The following SH3GL2 variants were observed in gnomAD, a reference collection of about 807,000 sequenced individuals.
SH3GL2 encodes the protein SH3 domain containing GRB2 like 2, endophilin A1.
SH3GL2 carries 24 observed loss-of-function variants against 46.0 expected under a neutral mutation model. The observed-to-expected ratio is 0.52, with a 90% CI of 0.38 to 0.73. The LOEUF is 0.73. Among genes scored for constraint, SH3GL2 ranks in the 30% least tolerant of loss-of-function variants. The probability of loss-of-function intolerance (pLI) is 0.00; values close to 1 mark genes in which losing one functional copy is unlikely to be tolerated. For missense variants in SH3GL2, 413 were observed against 424.2 expected, an observed-to-expected ratio of 0.97 and a Z score of 0.23; for synonymous variants, 196 against 147.1, an observed-to-expected ratio of 1.33 and a Z score of -2.40.
chr9:17,744,448 C>G (rs945598173), intron 1 of SH3GL2, among the ~76,000 whole-genome samples: 1 of 152,058 alleles, frequency 6.6e-6, no homozygotes, highest in South Asian at 2.1e-4. Flanking sequence ...TCACTGTGGC[C>G]TCAACCTCCT....
intron 1 of SH3GL2, among the ~76,000 whole-genome samples, chr9:17,657,281 T>A (rs1820108595): frequency 6.6e-6 from 1 of 152,180 alleles, no homozygotes; most frequent in African/African-American, 2.4e-5. Context: ...CAATTTTTAA[T>A]ATACTGTAGT....
At chr9:17,609,473 C>G (rs1482313854) in intron 1 of SH3GL2, among the ~76,000 whole-genome samples, 1 of 151,982 alleles carries the variant, frequency 6.6e-6, no homozygotes, top group Non-Finnish European at 1.5e-5. Flanking sequence ...ATGAAGTTGG[C>G]CAGATGGTCT....
At chr9:17,690,445 T>A (rs1220149879) in intron 1 of SH3GL2, among the ~76,000 whole-genome samples, 1 of 152,074 alleles carries the variant, frequency 6.6e-6, no homozygotes, top group African/African-American at 2.4e-5. Context: ...TTCCCCCACA[T>A]CACATGTCCT....
chr9:17,587,687 G>A (rs1237625362), intron 1 of SH3GL2, among the ~76,000 whole-genome samples: 1 of 152,162 alleles, frequency 6.6e-6, no homozygotes, highest in Admixed American at 6.5e-5. Flanking sequence ...AGACCAGCCT[G>A]GACAACATGG....
intron 1 of SH3GL2, among the ~76,000 whole-genome samples, chr9:17,637,603 T>C (rs769357334): frequency 6.6e-6 from 1 of 152,230 alleles, no homozygotes; most frequent in Middle Eastern, 3.2e-3. Flanking sequence ...GACACACAAG[T>C]GTGGTTTGAA....
chr9:17,632,904 T>C (rs1018031274), intron 1 of SH3GL2, among the ~76,000 whole-genome samples: 2 of 152,222 alleles, frequency 1.3e-5, no homozygotes, highest in African/African-American at 4.8e-5. Flanking sequence ...TTGTGGTGTT[T>C]TATTACTTGA....
intron 1 of SH3GL2, among the ~76,000 whole-genome samples, chr9:17,701,853 CTT>C (rs1445179333): frequency 6.6e-6 from 1 of 151,984 alleles, no homozygotes. Context: ...ATTGAAAAGA[CTT>C]AGCATCATAA....
At chr9:17,780,212 A>T (rs183931394) in intron 3 of SH3GL2, among the ~76,000 whole-genome samples, 1 of 152,160 alleles carries the variant, frequency 6.6e-6, no homozygotes, top group Admixed American at 6.6e-5. Context: ...CAACATCCCA[A>T]AACCTCCTTC....
chr9:17,779,375 G>C (rs1019447814), intron 3 of SH3GL2, among the ~76,000 whole-genome samples: 3 of 152,136 alleles, frequency 2.0e-5, no homozygotes, highest in African/African-American at 7.2e-5. Context: ...TGACGGAATG[G>C]GAAAGAGAAT....
At chr9:17,774,466 T>C (rs868422676) in intron 3 of SH3GL2, among the ~76,000 whole-genome samples, 2 of 152,240 alleles carry the variant, frequency 1.3e-5, no homozygotes, top group South Asian at 2.1e-4. Flanking sequence ...TTTCTTCCTA[T>C]TCCTAGCTTA....
chr9:17,656,764 A>G (rs1204174251), intron 1 of SH3GL2, among the ~76,000 whole-genome samples: 1 of 126,320 alleles, frequency 7.9e-6, no homozygotes, highest in African/African-American at 3.0e-5. Context: ...GAGTGAGACT[A>G]CATCTCAAAA....
At chr9:17,677,547 T>C (rs1820643511) in intron 1 of SH3GL2, among the ~76,000 whole-genome samples, 1 of 151,808 alleles carries the variant, frequency 6.6e-6, no homozygotes, top group South Asian at 2.1e-4. Flanking sequence ...TAAACTCATG[T>C]TTTCACTTTT....
chr9:17,729,533 C>G (rs1009520968), intron 1 of SH3GL2, among the ~76,000 whole-genome samples: 5 of 152,148 alleles, frequency 3.3e-5, no homozygotes. Flanking sequence ...GAAGTCTTTG[C>G]CCATGCCTAT....
At chr9:17,656,104 A>G (rs1473668211) in intron 1 of SH3GL2, among the ~76,000 whole-genome samples, 1 of 152,050 alleles carries the variant, frequency 6.6e-6, no homozygotes, top group African/African-American at 2.4e-5. Context: ...TCTATAATTG[A>G]TTTATCGTCT....
chr9:17,788,326 AAAGAAAGTTCCTTCC>A (rs1824021160), intron 5 of SH3GL2, among the ~76,000 whole-genome samples: 1 of 152,180 alleles, frequency 6.6e-6, no homozygotes, highest in Non-Finnish European at 1.5e-5. Flanking sequence ...AATGTTTAAA[AAAGAAAGTTCCTTCC>A]AAATGAGCAT....
At chr9:17,726,899 C>T (rs1051470963) in intron 1 of SH3GL2, among the ~76,000 whole-genome samples, 2 of 152,188 alleles carry the variant, frequency 1.3e-5, no homozygotes, top group South Asian at 4.1e-4. Context: ...GCAGCAGTAA[C>T]AAAATAGGTT....
At chr9:17,731,996 A>G (rs1297114765) in intron 1 of SH3GL2, among the ~76,000 whole-genome samples, 1 of 152,162 alleles carries the variant, frequency 6.6e-6, no homozygotes, top group African/African-American at 2.4e-5. Context: ...ATGGCAGAGG[A>G]GGAGATACTG....
chr9:17,777,563 G>C (rs1044049701), intron 3 of SH3GL2, among the ~76,000 whole-genome samples: 1 of 152,068 alleles, frequency 6.6e-6, no homozygotes, highest in Non-Finnish European at 1.5e-5. Flanking sequence ...TGCAGTTCTG[G>C]AGGTTATATA....
chr9:17,745,840 T>C (rs1348037419), intron 1 of SH3GL2, among the ~76,000 whole-genome samples: 1 of 152,170 alleles, frequency 6.6e-6, no homozygotes, highest in Non-Finnish European at 1.5e-5. Flanking sequence ...ACCTAGCTGC[T>C]ATTGAAGGAA....
Sources: allele counts gnomAD v4.1 joint callset (sites outside exome capture counted in the v4.1 genomes callset), GRCh38; gene constraint gnomAD v4.1.1; transcripts MANE v1.5; gene names NCBI Gene and HGNC (gene_info 2026-07-23, HGNC 2026-07-21).